Variants in C10orf90 observed in about 807,000 individuals in gnomAD.
The protein encoded by C10orf90 is chromosome 10 open reading frame 90.
In C10orf90, 56 loss-of-function variants were observed where a neutral mutation model predicts 62.5. The observed-to-expected ratio is 0.90, with a 90% confidence interval of 0.72 to 1.12. The LOEUF is 1.12. C10orf90 is among the 50% of genes most tolerant of loss of function. The pLI is 0.00. For synonymous variants in C10orf90, 386 were observed against 340.4 expected, an observed-to-expected ratio of 1.13 and a Z score of -1.47; for missense variants, 970 against 880.4, an observed-to-expected ratio of 1.10 and a Z score of -1.29.
intron 2 of C10orf90, among the ~76,000 whole-genome samples, chr10:126,618,058 T>C (rs1845577035): frequency 6.6e-6 from 1 of 152,188 alleles, no homozygotes; most frequent in Non-Finnish European, 1.5e-5. Context: ...AATGCCTTCC[T>C]AAGGGAATAG....
chr10:126,582,641 A>G (rs1250810714), intron 2 of C10orf90, among the ~76,000 whole-genome samples: 1 of 152,178 alleles, frequency 6.6e-6, no homozygotes, highest in Admixed American at 6.5e-5. Context: ...ATAACAATGT[A>G]AATACGAAAA....
At chr10:126,557,402 C>T (rs1379720960) in intron 2 of C10orf90, among the ~76,000 whole-genome samples, 1 of 149,390 alleles carries the variant, frequency 6.7e-6, no homozygotes, top group African/African-American at 2.5e-5. Context: ...ATGGCGTGAA[C>T]GTGGGAGGCA....
chr10:126,450,028 A>G (rs1449533442), intron 7 of C10orf90, among the ~76,000 whole-genome samples: 3 of 151,932 alleles, frequency 2.0e-5, no homozygotes, highest in Non-Finnish European at 4.4e-5. Flanking sequence ...ATTTCTGTAC[A>G]CACACAATGA....
chr10:126,444,420 C>T (rs938886431), intron 7 of C10orf90, among the ~76,000 whole-genome samples: 1 of 152,020 alleles, frequency 6.6e-6, no homozygotes, highest in Admixed American at 6.6e-5. Flanking sequence ...ACCCCTTTTA[C>T]AATAGCTGCA....
chr10:126,661,607 C>A (rs1194736466), intron 1 of C10orf90, among the ~76,000 whole-genome samples: 1 of 151,820 alleles, frequency 6.6e-6, no homozygotes, highest in East Asian at 1.9e-4. Flanking sequence ...TCAGATAGAT[C>A]TTACAGTGCT....
chr10:126,619,280 A>G (rs1321552831), intron 2 of C10orf90, among the ~76,000 whole-genome samples: 1 of 152,194 alleles, frequency 6.6e-6, no homozygotes, highest in Admixed American at 6.5e-5. Flanking sequence ...CCTCCAGGAC[A>G]CATAGGCACG....
chr10:126,538,961 C>G (rs997419394), intron 2 of C10orf90, among the ~76,000 whole-genome samples: 1 of 152,232 alleles, frequency 6.6e-6, no homozygotes, highest in African/African-American at 2.4e-5. Flanking sequence ...GAGCTGGAGC[C>G]AGGAACTGGT....
chr10:126,433,330 A>G (rs1857701830), intron 7 of C10orf90, among the ~76,000 whole-genome samples: 1 of 152,230 alleles, frequency 6.6e-6, no homozygotes, highest in Non-Finnish European at 1.5e-5. Context: ...AAGTCTGCAC[A>G]TGGTGAGGGG....
chr10:126,430,356 G>T (rs1466003486), intron 7 of C10orf90, among the ~76,000 whole-genome samples: 2 of 152,178 alleles, frequency 1.3e-5, no homozygotes, highest in African/African-American at 4.8e-5. Flanking sequence ...TGTGGGGAAA[G>T]GTAATGAACA....
intron 1 of C10orf90, among the ~76,000 whole-genome samples, chr10:126,664,776 C>G (rs1169828829): frequency 6.6e-6 from 1 of 152,300 alleles, no homozygotes; most frequent in East Asian, 1.9e-4. Flanking sequence ...GATTGGAGAC[C>G]TCACTCACCA....
chr10:126,608,439 T>C (rs1223335943), intron 2 of C10orf90, among the ~76,000 whole-genome samples: 1 of 152,156 alleles, frequency 6.6e-6, no homozygotes, highest in African/African-American at 2.4e-5. Context: ...ACTGAACTGT[T>C]CACTTAAAAA....
Position 126,442,505 on chromosome 10 carries a change from A to ATATATATATATATATC in C10orf90, c.2189-12656_2189-12655insGATATATATATATATA, listed in dbSNP as rs1590905259. On this transcript the variant is annotated intron_variant, in intron 7 of 9. Transcript: ENST00000488181. ...TATATATATATATATATATATATAT[A>ATATATATATATATATC]TATCTGTTAAGTCCATTTGTTCCAA... Among the ~76,000 whole-genome samples the ATATATATATATATATC allele has an allele frequency of 2.7e-5, 3 of 111,080 alleles. No individual in the cohort carries two copies. In the East Asian group the frequency reaches 8.3e-4, roughly 31 times the overall value. 72.9% of individuals were successfully genotyped at this position (111,080 alleles called of 152,430 possible).
At chr10:126,566,087 C>G (rs1177459403) in intron 2 of C10orf90, among the ~76,000 whole-genome samples, 1 of 152,190 alleles carries the variant, frequency 6.6e-6, no homozygotes, top group Non-Finnish European at 1.5e-5. Context: ...AGGTGTAGGA[C>G]TGACAGGCAG....
intron 4 of C10orf90, among the ~76,000 whole-genome samples, chr10:126,493,275 G>A (rs1200493672): frequency 6.6e-6 from 1 of 151,538 alleles, no homozygotes; most frequent in Non-Finnish European, 1.5e-5. Flanking sequence ...TAACCATGAT[G>A]TTCTCTCTGG....
At chr10:126,632,126 C>A (rs1564900960) in intron 2 of C10orf90, among the ~76,000 whole-genome samples, 1 of 152,092 alleles carries the variant, frequency 6.6e-6, no homozygotes, top group African/African-American at 2.4e-5. Context: ...TCTCAGAGTT[C>A]ATAAGTGACG....
chr10:126,637,546 C>T (rs894144939), intron 2 of C10orf90, among the ~76,000 whole-genome samples: 2 of 152,218 alleles, frequency 1.3e-5, no homozygotes, highest in Non-Finnish European at 2.9e-5. Flanking sequence ...CTGCAACAGG[C>T]ACAGCAGGGG....
chr10:126,476,675 C>T (rs1860888587), intron 4 of C10orf90, among the ~76,000 whole-genome samples: 1 of 152,336 alleles, frequency 6.6e-6, no homozygotes, highest in Non-Finnish European at 1.5e-5. Context: ...TCTAATCACT[C>T]CCATTTAACG....
chr10:126,569,825 G>T (rs1844468495), intron 2 of C10orf90, among the ~76,000 whole-genome samples: 1 of 151,980 alleles, frequency 6.6e-6, no homozygotes, highest in South Asian at 2.1e-4. Context: ...CAAGGCACAG[G>T]GTAACAAAGT....
chr10:126,594,897 C>T (rs2804448), intron 2 of C10orf90, among the ~76,000 whole-genome samples: 16,876 of 152,054 alleles, frequency 0.11, 1,691 homozygotes, highest in African/African-American at 0.24. Flanking sequence ...ATTGGCATGC[C>T]CGTGGGTCTG....
Sources: allele counts gnomAD v4.1 joint callset (sites outside exome capture counted in the v4.1 genomes callset), GRCh38; gene constraint gnomAD v4.1.1; transcripts MANE v1.5; gene names NCBI Gene and HGNC (gene_info 2026-07-23, HGNC 2026-07-21).